TAF3: variants seen among roughly 807,000 people sequenced by gnomAD.
TAF3 encodes the protein TATA-box binding protein associated factor 3.
TAF3 carries 7 observed loss-of-function variants against 80.6 expected under a neutral mutation model. The ratio of observed to expected loss-of-function variants is 0.09; its 90% confidence interval spans 0.05 to 0.16. TAF3 has a LOEUF of 0.16. Among genes scored for constraint, TAF3 ranks in the 10% least tolerant of loss-of-function variants. The pLI is 1.00. For synonymous variants in TAF3, 444 were observed against 446.1 expected, an observed-to-expected ratio of 1.00 and a Z score of 0.06; for missense variants, 921 against 1,140.2, an observed-to-expected ratio of 0.81 and a Z score of 2.77.
At position 7,942,551 on chromosome 10, in the gene TAF3, G is replaced by A. The variant is rs142425388; in HGVS notation, c.410-21369G>A. On this transcript the variant is annotated intron_variant, in intron 2 of 6. Coordinates refer to ENST00000344293, the MANE Select transcript of TAF3 (RefSeq NM_031923.4). ...AGCTTTGCTTTCTGAAACAAAATCC[G>A]CTGGGTTTTCCTGGAGAAAACTTGA... Among the ~76,000 whole-genome samples the A allele has an allele frequency of 5.9e-5, 9 of 152,228 alleles. No individual in the cohort carries two copies. The South Asian group carries it at 8.3e-4, about 14-fold the overall frequency.
At chr10:7,970,274 C>A (rs79729612) in intron 3 of TAF3, among the ~76,000 whole-genome samples, 6,191 of 152,300 alleles carry the variant, frequency 0.041, 233 homozygotes, top group East Asian at 0.11. Flanking sequence ...TAAACTAACT[C>A]GATAGTCAAC....
chr10:8,009,215 T>A lies in TAF3; in HGVS notation c.2453T>A (p.Leu818His). 1 of 1,453,162 alleles carries A rather than the reference T, an allele frequency of 6.9e-7. No homozygotes were observed. Among genetic ancestry groups the A allele is most frequent in the East Asian group, 3.1e-5 (1 of 31,934 alleles). 90.0% of individuals were successfully genotyped at this position (1,453,162 alleles called of 1,614,324 possible). ...CCTGCGCCCGTGCCGCTGCCGCTGC[T>A]CGCCCAGGCCGCCGCGGGCCCTGCC... ...VSPAPVPLPL[L>H]AQAAAGPALL... Residue 818 changes from leucine to histidine, a missense_variant, in exon 5 of 7, where the codon CTC becomes CAC. This residue lies in a region of TAF3 where 743 missense variants were observed against 821.0 expected (regional missense o/e 0.90). Transcript: ENST00000344293. This position sits in a 1 kb window ranked among gnomAD's most constrained non-coding sequence, Gnocchi z 4.1.
At chr10:7,940,350 TA>T (rs1323765184) in intron 2 of TAF3, among the ~76,000 whole-genome samples, 2 of 152,234 alleles carry the variant, frequency 1.3e-5, no homozygotes, top group Non-Finnish European at 2.9e-5. Context: ...GCACCCAGTA[TA>T]TTTTTAGCAT....
chr10:7,830,473 CTTTTTTTTTTTTTTTTT>C (rs1176707860), intron 2 of TAF3, among the ~76,000 whole-genome samples: 22 of 57,678 alleles, frequency 3.8e-4, no homozygotes, highest in African/African-American at 8.7e-4. Context: ...CTTTACATGT[CTTTTTTTTTTTTTTTTT>C]TTTTTTTTTT....
chr10:7,863,718 T>TACAC (rs766163037), intron 2 of TAF3, among the ~76,000 whole-genome samples: 1,715 of 52,568 alleles, frequency 0.033, 304 homozygotes, highest in South Asian at 0.13. Context: ...CATATATATA[T>TACAC]ACACATATAT....
chr10:7,862,692 G>C (rs550578450), intron 2 of TAF3, among the ~76,000 whole-genome samples: 2 of 152,148 alleles, frequency 1.3e-5, no homozygotes, highest in South Asian at 4.2e-4. Context: ...TCCTCCCCAG[G>C]GGGATCCCCA....
chr10:7,911,913 T>C (rs1403607702), intron 2 of TAF3, among the ~76,000 whole-genome samples: 1 of 152,194 alleles, frequency 6.6e-6, no homozygotes, highest in Non-Finnish European at 1.5e-5. Flanking sequence ...GTTCGCTTCA[T>C]TTTTCTGGTT....
At chr10:7,940,679 G>C (rs1837967538) in intron 2 of TAF3, among the ~76,000 whole-genome samples, 1 of 152,350 alleles carries the variant, frequency 6.6e-6, no homozygotes, top group African/African-American at 2.4e-5. Flanking sequence ...TAGTGGCCAG[G>C]CATGGTGGCT....
At chr10:7,864,955 TG>T (rs1177654620) in intron 2 of TAF3, among the ~76,000 whole-genome samples, 1 of 151,998 alleles carries the variant, frequency 6.6e-6, no homozygotes, top group Non-Finnish European at 1.5e-5. Context: ...GTGGCTGGGG[TG>T]GGTGGCTGGG....
At chr10:7,979,267 C>T (rs1475726611) in intron 4 of TAF3, among the ~76,000 whole-genome samples, 2 of 151,224 alleles carry the variant, frequency 1.3e-5, no homozygotes, top group African/African-American at 4.9e-5. Context: ...TGGCATGAAC[C>T]TGGGAGGCGG....
chr10:7,883,570 T>G (rs1277272845), intron 2 of TAF3, among the ~76,000 whole-genome samples: 1 of 152,260 alleles, frequency 6.6e-6, no homozygotes, highest in East Asian at 1.9e-4. Context: ...CTCATCAAAC[T>G]TTTACCTACT....
At chr10:7,881,407 C>G (rs144775480) in intron 2 of TAF3, among the ~76,000 whole-genome samples, 1 of 151,922 alleles carries the variant, frequency 6.6e-6, no homozygotes, top group East Asian at 1.9e-4. Flanking sequence ...CAGCAGTATA[C>G]GAAAACTTCA....
Position 7,977,318 on chromosome 10 carries a change from C to A in TAF3, c.2310C>A (p.Asp770Glu), listed in dbSNP as rs1831683264. ...CTCTCCGAGTCGGTGCTGGCCAAGA[C>A]AAGATGTAAGTATAAACGTTTTGAA... ...RLTLRVGAGQ[D>E]KIVISKVVPA... The change falls in exon 4 of 7, where the codon GAC (aspartate) becomes GAA (glutamate). Residue 770 changes from aspartate (D) to glutamate (E), a missense_variant. Physicochemically the swap from Asp to Glu is conservative, Grantham distance 45. Coordinates refer to ENST00000344293, the MANE Select transcript of TAF3 (RefSeq NM_031923.4). The A allele has an allele frequency of 2.0e-5, 32 of 1,614,066 alleles. No homozygotes were observed. The highest frequency in any genetic ancestry group is 2.6e-5 in the Non-Finnish European group (31 of 1,179,976).
At chr10:7,865,550 T>G (rs535932727) in intron 2 of TAF3, among the ~76,000 whole-genome samples, 198 of 152,228 alleles carry the variant, frequency 1.3e-3, no homozygotes, top group African/African-American at 4.5e-3. Flanking sequence ...GAAACCTTGG[T>G]GCGTGCTGAG....
chr10:8,009,362 G>A lies in TAF3; in HGVS notation c.2568+32G>A. 6.3e-7 allele frequency: 1 copy of A among 1,576,706 alleles called. No individual in the cohort carries two copies. The highest frequency in any genetic ancestry group is 2.4e-5 in the East Asian group (1 of 41,458). On this transcript the variant is annotated intron_variant, in intron 5 of 6. Transcript: ENST00000344293. This position sits in a 1 kb window ranked among gnomAD's most constrained non-coding sequence, Gnocchi z 4.1. The stretch of plus-strand genomic sequence containing the variant: ...ACCTGCCGCCCGCGCGGTTAGCATG[G>A]AGACGTTTTCAGATCGAGACAAGTG...
chr10:7,834,237 C>G (rs1836828839), intron 2 of TAF3, among the ~76,000 whole-genome samples: 1 of 152,162 alleles, frequency 6.6e-6, no homozygotes, highest in Admixed American at 6.6e-5. Flanking sequence ...GCTTTTGTCA[C>G]CCTGCGCTTT....
chr10:7,957,310 C>T (rs188709766), intron 2 of TAF3, among the ~76,000 whole-genome samples: 2 of 152,234 alleles, frequency 1.3e-5, no homozygotes, highest in East Asian at 1.9e-4. Flanking sequence ...TTAGGGCAGA[C>T]GGCTGAGGTG....
chr10:7,910,343 G>T (rs1205102455), intron 2 of TAF3, among the ~76,000 whole-genome samples: 1 of 151,926 alleles, frequency 6.6e-6, no homozygotes, highest in African/African-American at 2.4e-5. Flanking sequence ...TAAATATCAG[G>T]ACTTTTGAAA....
At chr10:7,888,796 G>A (rs556265636) in intron 2 of TAF3, among the ~76,000 whole-genome samples, 6 of 152,340 alleles carry the variant, frequency 3.9e-5, no homozygotes, top group African/African-American at 1.4e-4. Flanking sequence ...GCCACGTTGT[G>A]CTTTTAAGAT....
Sources: gnomAD v4.1 joint callset for allele counts (sites outside exome capture counted in the v4.1 genomes callset) on GRCh38, gnomAD v4.1.1 for gene constraint, gnomAD v4.1.1 regional missense constraint, Gnocchi (gnomAD v3.1) non-coding constraint, MANE v1.5 for transcripts, NCBI Gene and HGNC (gene_info 2026-07-23, HGNC 2026-07-21) for gene names.